HDX: variants seen among roughly 807,000 people sequenced by gnomAD.
HDX encodes the protein chromosome X open reading frame 43.
Under a neutral mutation model 45.2 loss-of-function variants are expected in HDX, and 19 were observed. The ratio of observed to expected loss-of-function variants is 0.42; its 90% CI spans 0.29 to 0.62. The LOEUF is 0.62. Ranked by LOEUF, HDX falls within the 20% of genes least tolerant of loss-of-function variation. The probability of loss-of-function intolerance (pLI) is 0.20; values close to 1 mark genes in which losing one functional copy is unlikely to be tolerated. For missense variants in HDX, 532 were observed against 493.9 expected (o/e 1.08, Z -0.73); for synonymous variants, 188 against 172.8 (o/e 1.09, Z -0.69).
intron 5 of HDX, among the ~76,000 whole-genome samples, chrX:84,408,709 T>C (rs1013153342): frequency 9.1e-6 from 1 of 109,964 alleles, no homozygotes; most frequent in Non-Finnish European, 1.9e-5. Context: ...GGAAGATTTT[T>C]CTATTTGTTT....
Position 84,318,448 on chromosome X carries a change from G to A in HDX, c.*3441C>T, listed in dbSNP as rs1175461681. ...ACAATATTTCTGGAATAACACAACTGTAATACGGAAGAAGGGCAGGAGTTA... is the reference window on the plus strand; with the variant it reads ...ACAATATTTCTGGAATAACACAACTATAATACGGAAGAAGGGCAGGAGTTA... On this transcript the variant is annotated 3_prime_UTR_variant, in exon 11 of 11. Transcript: ENST00000373177. 1 of 110,960 alleles carries A rather than the reference G, an allele frequency of 9.0e-6. No individual in the cohort carries two copies. Among genetic ancestry groups the A allele is most frequent in the East Asian group, 2.8e-4 (1 of 3,542 alleles). 9.1% of individuals were successfully genotyped at this position (110,960 alleles called of 1,213,427 possible).
chrX:84,464,706 T>C (rs2040309241), intron 4 of HDX, among the ~76,000 whole-genome samples: 2 of 111,943 alleles, frequency 1.8e-5, no homozygotes, highest in Non-Finnish European at 3.8e-5. Context: ...ACGTAAGACC[T>C]AAAACCATGA....
chrX:84,493,280 A>G (rs1165774089), intron 1 of HDX, among the ~76,000 whole-genome samples: 1 of 112,094 alleles, frequency 8.9e-6, no homozygotes, highest in Non-Finnish European at 1.9e-5. Context: ...TGTATTGTAC[A>G]CATCTCTTAT....
At chrX:84,379,434 C>A (rs1367199771) in intron 5 of HDX, among the ~76,000 whole-genome samples, 3 of 110,652 alleles carry the variant, frequency 2.7e-5, no homozygotes, top group African/African-American at 9.8e-5. Context: ...AGAATATATT[C>A]TTTTCCTCAG....
At chrX:84,484,684 A>G (rs1391483334) in intron 2 of HDX, among the ~76,000 whole-genome samples, 1 of 111,986 alleles carries the variant, frequency 8.9e-6, no homozygotes, top group Admixed American at 9.5e-5. Flanking sequence ...TCTCGCCAAC[A>G]TCTATTATTT....
intron 2 of HDX, among the ~76,000 whole-genome samples, chrX:84,481,112 G>A (rs1192271381): frequency 2.7e-5 from 3 of 111,076 alleles, no homozygotes; most frequent in Admixed American, 1.9e-4. Flanking sequence ...GAACTCAAAG[G>A]TATAAGGTTG....
At chrX:84,424,420 A>G (rs180814436) in intron 5 of HDX, among the ~76,000 whole-genome samples, 421 of 109,366 alleles carry the variant, frequency 3.8e-3, no homozygotes, top group African/African-American at 0.014. Flanking sequence ...ATCCCATTCA[A>G]AATACCAATG....
chrX:84,490,441 A>G (rs1437770753), intron 1 of HDX, among the ~76,000 whole-genome samples: 1 of 111,796 alleles, frequency 8.9e-6, no homozygotes, highest in Non-Finnish European at 1.9e-5. Flanking sequence ...TACAAATGCT[A>G]CTAAATCCCA....
chrX:84,370,421 T>A (rs1412069591), intron 5 of HDX, among the ~76,000 whole-genome samples: 4 of 111,831 alleles, frequency 3.6e-5, no homozygotes, highest in Non-Finnish European at 5.6e-5. Flanking sequence ...TGGAGATCGC[T>A]GCCTAATATA....
intron 7 of HDX, 87 bp from the exon 8 acceptor site, chrX:84,336,967 T>C (rs892239270): frequency 1.7e-6 from 1 of 595,506 alleles, no homozygotes; most frequent in African/African-American, 2.3e-5. Flanking sequence ...ATAATTTCTC[T>C]ATTATAAAAA....
At chrX:84,351,882 C>A (rs1323365971) in intron 6 of HDX, among the ~76,000 whole-genome samples, 1 of 111,925 alleles carries the variant, frequency 8.9e-6, no homozygotes, top group East Asian at 2.8e-4. Flanking sequence ...AGTCTGAAAC[C>A]AGTTTTATTC....
intron 4 of HDX, among the ~76,000 whole-genome samples, chrX:84,441,095 C>T (rs889442391): frequency 1.8e-5 from 2 of 110,652 alleles, no homozygotes; most frequent in African/African-American, 6.6e-5. Context: ...AAGAAATGAA[C>T]ATAATAATAA....
chrX:84,475,808 T>C (rs2040537961), intron 2 of HDX, among the ~76,000 whole-genome samples: 1 of 111,738 alleles, frequency 8.9e-6, no homozygotes, highest in Non-Finnish European at 1.9e-5. Flanking sequence ...AAGCAAGGCA[T>C]CTGGCATATG....
intron 1 of HDX, among the ~76,000 whole-genome samples, chrX:84,498,396 C>T (rs2041051878): frequency 9.0e-6 from 1 of 111,264 alleles, no homozygotes; most frequent in Non-Finnish European, 1.9e-5. Context: ...CTGAATATGC[C>T]AGTGTCTCAA....
intron 1 of HDX, among the ~76,000 whole-genome samples, chrX:84,498,746 G>A (rs762735306): frequency 1.8e-5 from 2 of 108,943 alleles, no homozygotes; most frequent in African/African-American, 6.7e-5. Flanking sequence ...AACAAATGTA[G>A]GTATACACCA....
At chrX:84,339,244 T>C (rs972476068) in intron 7 of HDX, among the ~76,000 whole-genome samples, 4 of 111,506 alleles carry the variant, frequency 3.6e-5, no homozygotes, top group African/African-American at 1.3e-4. Flanking sequence ...TACCTACTCA[T>C]TATTTAGACA....
intron 10 of HDX, among the ~76,000 whole-genome samples, chrX:84,324,846 T>TA (rs947870998): frequency 3.6e-5 from 4 of 110,860 alleles, no homozygotes; most frequent in Non-Finnish European, 5.7e-5. Flanking sequence ...TGCTTGTACC[T>TA]AATTTTGTTT....
At chrX:84,351,251 G>A (rs1203756400) in intron 6 of HDX, among the ~76,000 whole-genome samples, 1 of 111,465 alleles carries the variant, frequency 9.0e-6, no homozygotes, top group Non-Finnish European at 1.9e-5. Context: ...TGCAGGAGGG[G>A]ATAAAAGTCT....
At chrX:84,382,520 G>A (rs1041128906) in intron 5 of HDX, among the ~76,000 whole-genome samples, 1 of 111,862 alleles carries the variant, frequency 8.9e-6, no homozygotes, top group Non-Finnish European at 1.9e-5. Context: ...GCTATAAAAA[G>A]TATAAGATTC....
Sources: gnomAD v4.1 joint callset for allele counts (sites outside exome capture counted in the v4.1 genomes callset) on GRCh38, gnomAD v4.1.1 for gene constraint, MANE v1.5 for transcripts, NCBI Gene and HGNC (gene_info 2026-07-23, HGNC 2026-07-21) for gene names.